Variants in CDC37L1 observed in about 807,000 individuals in gnomAD.
CDC37L1 encodes hsp90 co-chaperone Cdc37-like 1.
In CDC37L1, 32 loss-of-function variants were observed where a neutral mutation model predicts 45.9. The observed-to-expected ratio is 0.70, with a 90% CI of 0.53 to 0.94. The LOEUF (loss-of-function observed/expected upper bound fraction) is 0.94. Among genes scored for constraint, CDC37L1 ranks in the 40% least tolerant of loss-of-function variants. The probability of loss-of-function intolerance (pLI) is 0.00; values close to 1 mark genes in which losing one functional copy is unlikely to be tolerated. For missense variants in CDC37L1, 434 were observed against 405.7 expected (o/e 1.07, Z -0.60); for synonymous variants, 150 against 133.0 (o/e 1.13, Z -0.88).
intron 1 of CDC37L1, among the ~76,000 whole-genome samples, chr9:4,684,502 C>T (rs1418780445): frequency 6.6e-6 from 1 of 152,070 alleles, no homozygotes; most frequent in Non-Finnish European, 1.5e-5. Flanking sequence ...TTATAAAGGC[C>T]TGGTTGTCAG....
At chr9:4,686,838 T>G (rs1370109547) in intron 2 of CDC37L1, among the ~76,000 whole-genome samples, 1 of 152,190 alleles carries the variant, frequency 6.6e-6, no homozygotes, top group African/African-American at 2.4e-5. Flanking sequence ...CTAGTCCGAA[T>G]TGAGATGTGC....
At chr9:4,704,646 GT>G in intron 6 of CDC37L1, among the ~76,000 whole-genome samples, 1 of 152,096 alleles carries the variant, frequency 6.6e-6, no homozygotes, top group South Asian at 2.1e-4. Flanking sequence ...TCTTAAAGCT[GT>G]TTTTTTGGAG....
intron 1 of CDC37L1, among the ~76,000 whole-genome samples, chr9:4,681,284 A>G (rs1841190915): frequency 6.6e-6 from 1 of 152,250 alleles, no homozygotes; most frequent in African/African-American, 2.4e-5. Flanking sequence ...AAATTTGTTT[A>G]GCTGGAAGAG....
chr9:4,701,869 G>A lies in CDC37L1; in HGVS notation c.753G>A (p.Glu251=). The A allele has an allele frequency of 6.3e-7, 1 of 1,597,310 alleles. No individual in the cohort carries two copies. The highest frequency in any genetic ancestry group is 8.5e-7 in the Non-Finnish European group (1 of 1,174,180). The change falls in exon 6 of 7, where the codon GAG becomes GAA. Residue 251 remains glutamate (E), a synonymous_variant. Coordinates refer to ENST00000381854, the MANE Select transcript of CDC37L1 (RefSeq NM_017913.4). ...FRLFFQKAKA[E]EEGYFEAFKN... Reference sequence around the variant, plus strand: ...TTTTTTTTTGTTTTTTCTAGGCAGAGGAAGAAGGTTATTTTGAAGCATTCA... The same window carrying A: ...TTTTTTTTTGTTTTTTCTAGGCAGAAGAAGAAGGTTATTTTGAAGCATTCA...
intron 6 of CDC37L1, among the ~76,000 whole-genome samples, chr9:4,704,396 T>C (rs966925754): frequency 1.3e-5 from 2 of 152,220 alleles, no homozygotes; most frequent in Non-Finnish European, 2.9e-5. Flanking sequence ...GATGAAAATA[T>C]GGGACAGTCA....
At chr9:4,685,183 T>G in intron 2 of CDC37L1, 25 bp downstream of exon 2, 1 of 1,584,798 alleles carries the variant, frequency 6.3e-7, no homozygotes, top group Non-Finnish European at 8.6e-7. Flanking sequence ...TGGGCCATAA[T>G]GAAAGAAGAA....
At position 4,697,103 on chromosome 9, in the gene CDC37L1, G is replaced by C. The variant is rs775996289; in HGVS notation, c.516G>C (p.Leu172Phe). The change falls in exon 4 of 7, where the codon TTG (leucine) becomes TTC (phenylalanine). Residue 172 changes from leucine (L) to phenylalanine (F), a missense_variant. Leu to Phe is a conservative substitution (Grantham distance 22, BLOSUM62 0). Coordinates refer to ENST00000381854, the MANE Select transcript of CDC37L1 (RefSeq NM_017913.4). ...YEQKIRHFGM[L>F]SRWDDSQRFL... ...CAATTCTTTTTTTTACAGGTATGTT[G>C]AGTCGATGGGATGATAGCCAGAGAT... The C allele has an allele frequency of 4.1e-6, 6 of 1,460,170 alleles. No individual in the cohort carries two copies. Among genetic ancestry groups the C allele is most frequent in the Non-Finnish European group, 5.8e-6 (6 of 1,043,286 alleles). The allele number at this position is 1,460,170 out of a possible 1,614,324, so 90.5% of individuals were successfully genotyped here.
At chr9:4,687,650 G>A (rs1182932888) in intron 2 of CDC37L1, among the ~76,000 whole-genome samples, 1 of 129,322 alleles carries the variant, frequency 7.7e-6, no homozygotes, top group South Asian at 2.5e-4. Flanking sequence ...CTGTACTCCA[G>A]CCTGGGTGAC....
At chr9:4,695,881 C>T (rs908043689) in intron 3 of CDC37L1, among the ~76,000 whole-genome samples, 1 of 152,162 alleles carries the variant, frequency 6.6e-6, no homozygotes, top group African/African-American at 2.4e-5. Context: ...ACCTCCGCCT[C>T]CTGGGTTCAA....
At chr9:4,688,192 G>A (rs879365305) in intron 2 of CDC37L1, among the ~76,000 whole-genome samples, 5 of 152,084 alleles carry the variant, frequency 3.3e-5, no homozygotes, top group Non-Finnish European at 5.9e-5. Flanking sequence ...TAGAGACGGG[G>A]TTTCACTATG....
intron 5 of CDC37L1, among the ~76,000 whole-genome samples, chr9:4,699,936 G>A (rs569495017): frequency 2.0e-5 from 3 of 151,802 alleles, no homozygotes; most frequent in Non-Finnish European, 2.9e-5. Context: ...AATAATTTCC[G>A]TTTTCTTTTT....
At chr9:4,683,042 A>G (rs556684538) in intron 1 of CDC37L1, among the ~76,000 whole-genome samples, 1,484 of 143,586 alleles carry the variant, frequency 0.01, 21 homozygotes, top group African/African-American at 0.035. Context: ...TATATATAAA[A>G]TATATTTTAA....
chr9:4,703,025 T>C, intron 6 of CDC37L1: 1 of 1,491,372 alleles, frequency 6.7e-7, no homozygotes, highest in Non-Finnish European at 9.0e-7. Context: ...ATTAGATAAT[T>C]CCTACCCATT....
At chr9:4,682,159 C>CTTTTTTTTTT in intron 1 of CDC37L1, among the ~76,000 whole-genome samples, 1 of 48,466 alleles carries the variant, frequency 2.1e-5, no homozygotes, top group Non-Finnish European at 3.6e-5. Flanking sequence ...ATTATCCTTT[C>CTTTTTTTTTT]TCTTTTTTTT....
chr9:4,701,831 C>G (rs760988237), intron 5 of CDC37L1, 33 bp from the exon 6 acceptor site: 37 of 1,492,482 alleles, frequency 2.5e-5, no homozygotes, highest in Non-Finnish European at 3.3e-5. Flanking sequence ...TCTTGAAGAA[C>G]ACAGTCTTTG....
chr9:4,698,004 G>A (rs1841363689), intron 5 of CDC37L1, 125 bp downstream of exon 5: 6 of 858,802 alleles, frequency 7.0e-6, no homozygotes, highest in Non-Finnish European at 1.1e-5. Context: ...AGATTTTCTT[G>A]TGAAAAGAAA....
At chr9:4,680,550 GT>G (rs1278252674) in intron 1 of CDC37L1, among the ~76,000 whole-genome samples, 20 of 152,208 alleles carry the variant, frequency 1.3e-4, no homozygotes, top group African/African-American at 4.6e-4. Flanking sequence ...CTTCTCTTAG[GT>G]TCCTGGTATT....
rs767806615 is a variant in CDC37L1, at chr9:4,702,046, A to G, written c.912+18A>G. 3 of 1,305,990 alleles carry G rather than the reference A, an allele frequency of 2.3e-6. No individual in the cohort carries two copies. Among genetic ancestry groups the G allele is most frequent in the Non-Finnish European group, 3.0e-6 (3 of 993,072 alleles). 80.9% of individuals were successfully genotyped at this position (1,305,990 alleles called of 1,614,324 possible). A position where few individuals can be genotyped will look rare whatever the true frequency, so the allele number is the denominator to read the frequency against. ...TACCACAGGTAAGTTGGAAAAGTAAATATTTGTTTTATAAGCCTATTAATT... is the reference window on the plus strand; with the variant it reads ...TACCACAGGTAAGTTGGAAAAGTAAGTATTTGTTTTATAAGCCTATTAATT... On this transcript the variant is annotated intron_variant, in intron 6 of 6. Transcript: ENST00000381854.
At chr9:4,702,888 CAAAAAAAAAA>C (rs397829063) in intron 6 of CDC37L1, among the ~76,000 whole-genome samples, 1 of 42,962 alleles carries the variant, frequency 2.3e-5, no homozygotes, top group Non-Finnish European at 4.8e-5. Context: ...GACTCCGTCT[CAAAAAAAAAA>C]AAAAAAAAAA....
Sources: allele counts gnomAD v4.1 joint callset (sites outside exome capture counted in the v4.1 genomes callset), GRCh38; gene constraint gnomAD v4.1.1; transcripts MANE v1.5; gene names NCBI Gene and HGNC (gene_info 2026-07-23, HGNC 2026-07-21).